NOTUM: variants seen among roughly 807,000 people sequenced by gnomAD.
The protein encoded by NOTUM is palmitoleoyl-protein carboxylesterase NOTUM.
Under a neutral mutation model 65.5 loss-of-function variants are expected in NOTUM, and 36 were observed. That is an observed-to-expected ratio of 0.55 (90% CI 0.42 to 0.73). The LOEUF is 0.73. NOTUM is among the 30% of genes least tolerant of loss of function. The pLI is 0.00. For missense variants in NOTUM, 659 were observed against 694.2 expected, an observed-to-expected ratio of 0.95 and a Z score of 0.57; for synonymous variants, 356 against 297.9, an observed-to-expected ratio of 1.20 and a Z score of -2.01.
chr17:81,958,263 T>C, intron 5 of NOTUM, 72 bp downstream of exon 5: 1 of 1,021,224 alleles, frequency 9.8e-7, no homozygotes, highest in Non-Finnish European at 1.5e-6. Context: ...TGCCCTGCCG[T>C]CCTGCCTCCT....
intron 6 of NOTUM, among the ~76,000 whole-genome samples, chr17:81,957,558 A>C (rs2041442805): frequency 6.6e-6 from 1 of 151,862 alleles, no homozygotes; most frequent in South Asian, 2.1e-4. Flanking sequence ...TATATCCAAC[A>C]ACCATGGCGT....
intron 4 of NOTUM, 75 bp from the exon 5 acceptor site, chr17:81,958,468 G>A: frequency 1.0e-6 from 1 of 972,850 alleles, no homozygotes; most frequent in South Asian, 1.3e-5. Context: ...CCCAGAACAG[G>A]ACCCTCAGAA....
Position 81,953,249 on chromosome 17 carries a change from C to G in NOTUM, c.1203G>C (p.Gln401His), listed in dbSNP as rs750483208. The G allele has an allele frequency of 1.2e-6, 2 of 1,609,372 alleles. No homozygotes were observed. The highest frequency in any genetic ancestry group is 2.2e-5 in the South Asian group (2 of 90,646). The change falls in exon 11 of 11, where the codon CAG becomes CAC. Residue 401 changes from glutamine to histidine, a missense_variant. Gln to His is a conservative substitution (Grantham distance 24). Coordinates refer to ENST00000409678, the MANE Select transcript of NOTUM (RefSeq NM_178493.6). ...IIIRSHWTDV[Q>H]VKGTSLPRAL... ...CTCGGGGCAGCGACGTCCCCTTCACCTGGACATCCGTCCAGTGGCTGCAGA... is the reference window on the plus strand; with the variant it reads ...CTCGGGGCAGCGACGTCCCCTTCACGTGGACATCCGTCCAGTGGCTGCAGA...
At chr17:81,959,274 G>C in intron 3 of NOTUM, 197 bp downstream of exon 3, 1 of 612,218 alleles carries the variant, frequency 1.6e-6, no homozygotes, top group Non-Finnish European at 2.9e-6. Context: ...GGCCAGAGCC[G>C]CTGGGTAAGC....
At chr17:81,957,771 A>G (rs35069988) in intron 6 of NOTUM, 35 bp downstream of exon 6, 728,966 of 1,451,758 alleles carry the variant, frequency 0.5, 188,422 homozygotes, top group Non-Finnish European at 0.54. Flanking sequence ...CACCGTCCTC[A>G]CCCCTCACCT....
chr17:81,959,717 G>C (rs749298354), intron 1 of NOTUM, 25 bp from the exon 2 acceptor site: 3 of 1,407,074 alleles, frequency 2.1e-6, no homozygotes, highest in South Asian at 2.9e-5. Context: ...GCACCGCGGG[G>C]GGTCGGCCAG....
intron 9 of NOTUM, among the ~76,000 whole-genome samples, chr17:81,954,775 C>T (rs1301519021): frequency 6.6e-6 from 1 of 150,678 alleles, no homozygotes; most frequent in Non-Finnish European, 1.5e-5. Flanking sequence ...TGCCACCATG[C>T]CTGGATAATT....
At chr17:81,954,199 T>C in intron 10 of NOTUM, 57 bp downstream of exon 10, 1 of 1,269,424 alleles carries the variant, frequency 7.9e-7, no homozygotes, top group African/African-American at 1.5e-5. Context: ...TTGGGGAGCA[T>C]GTGGACTTTT....
At chr17:81,954,930 GATCTCT>G (rs773504480) in intron 9 of NOTUM, among the ~76,000 whole-genome samples, 7 of 96,144 alleles carry the variant, frequency 7.3e-5, no homozygotes, top group African/African-American at 3.5e-4. Flanking sequence ...GACCGATCTC[GATCTCT>G]CTCTCTCTCT....
intron 4 of NOTUM, among the ~76,000 whole-genome samples, chr17:81,958,622 C>T (rs983384719): frequency 6.6e-6 from 1 of 151,524 alleles, no homozygotes; most frequent in Non-Finnish European, 1.5e-5. Flanking sequence ...CAGGACAGGA[C>T]CCCCCAGGAA....
In NOTUM at chr17:81,953,162, C is replaced by G; in HGVS notation, c.1290G>C (p.Lys430Asn). Residue 430 changes from lysine (K) to asparagine (N), a missense_variant, in exon 11 of 11, where the codon AAG becomes AAC. Physicochemically the swap from Lys to Asn is moderately conservative, Grantham distance 94. Transcript: ENST00000409678. The stretch of plus-strand genomic sequence containing the variant: ...TGTCCACCAGGTGGACGGGGCAGCC[C>G]TTGAGGGGGGTCTTGCTGGCCTTGT... ...DSHKASKTPLKGCPVHLVDSC... is the reference protein window; with the variant it reads ...DSHKASKTPLNGCPVHLVDSC... 1 of 1,613,242 alleles carries G rather than the reference C, an allele frequency of 6.2e-7. No individual in the cohort carries two copies.
chr17:81,957,322 C>T (rs991323511), intron 6 of NOTUM, among the ~76,000 whole-genome samples: 1 of 152,220 alleles, frequency 6.6e-6, no homozygotes, highest in Non-Finnish European at 1.5e-5. Flanking sequence ...CCTCCCCTTC[C>T]TCTCTCTGTC....
rs568763558 is a variant in NOTUM at position 81,960,503 on chromosome 17, A to T, written c.323+84T>A. On this transcript the variant is annotated intron_variant, in intron 1 of 10. Coordinates refer to ENST00000409678, the MANE Select transcript of NOTUM (RefSeq NM_178493.6). This position sits in a 1 kb window ranked among gnomAD's most constrained non-coding sequence, Gnocchi z 6.4. ...ACGGAAGCCCTTTCTCCCCGGGGAGAGAACGGCCGCGGCCCGCAGGGAAGG... is the reference window on the plus strand; with the variant it reads ...ACGGAAGCCCTTTCTCCCCGGGGAGTGAACGGCCGCGGCCCGCAGGGAAGG... The T allele has an allele frequency of 2.0e-5, 20 of 999,388 alleles. No homozygotes were observed. In the African/African-American group the frequency reaches 2.6e-4, roughly 13 times the overall value. 61.9% of individuals were successfully genotyped at this position (999,388 alleles called of 1,614,324 possible).
intron 6 of NOTUM, among the ~76,000 whole-genome samples, chr17:81,957,302 T>TCCC (rs1344825649): frequency 6.6e-6 from 1 of 152,174 alleles, no homozygotes; most frequent in African/African-American, 2.4e-5. Context: ...AGCCAGGCTC[T>TCCC]CCCCTTCCTC....
rs752697929 is a variant in NOTUM at position 81,960,944 on chromosome 17, AGGCGGC to A, written c.-41_-36del. On this transcript the variant is annotated 5_prime_UTR_variant, in exon 1 of 11. Coordinates refer to ENST00000409678, the MANE Select transcript of NOTUM (RefSeq NM_178493.6). This position sits in a 1 kb window ranked among gnomAD's most constrained non-coding sequence, Gnocchi z 6.4. The stretch of plus-strand genomic sequence containing the variant: ...CACCTGCGGGGAGCGGGCGGCCTTG[AGGCGGC>A]GGCGGCGGCGGCGGGGGATGCCGGG... The A allele has an allele frequency of 4.9e-4, 572 of 1,171,560 alleles. No individual in the cohort carries two copies. Among genetic ancestry groups the A allele is most frequent in the Middle Eastern group, 3.4e-4 (1 of 2,924 alleles). The allele number at this position is 1,171,560 out of a possible 1,614,324, so 72.6% of individuals were successfully genotyped here. A position where few individuals can be genotyped will look rare whatever the true frequency, so the allele number is the denominator to read the frequency against.
At chr17:81,957,135 T>C (rs2143944532) in intron 6 of NOTUM, 61 bp from the exon 7 acceptor site, 1 of 1,443,986 alleles carries the variant, frequency 6.9e-7, no homozygotes, top group Admixed American at 1.8e-5. Flanking sequence ...CTCCCCCGAG[T>C]CTGCTCAGCG....
Position 81,960,729 on chromosome 17 carries a change from C to T in NOTUM, c.181G>A (p.Gly61Ser). 4 of 1,601,932 alleles carry T rather than the reference C, an allele frequency of 2.5e-6. No homozygotes were observed. Among genetic ancestry groups the T allele is most frequent in the South Asian group, 1.1e-5 (1 of 89,176 alleles). ...TGCGCCATGAAGCTGTCCATGTTAC[C>T]CTCCACGGCCGTGAAGTCCAGCGGG... ...SFPLDFTAVE[G>S]NMDSFMAQVK... The change falls in exon 1 of 11, where the codon GGT (glycine) becomes AGT (serine). Residue 61 changes from glycine to serine, a missense_variant. Gly to Ser is a moderately conservative substitution (Grantham distance 56, BLOSUM62 0). Transcript: ENST00000409678. This position sits in a 1 kb window ranked among gnomAD's most constrained non-coding sequence, Gnocchi z 6.4.
chr17:81,955,459 C>T lies in NOTUM; in HGVS notation c.1074G>A (p.Glu358=). The change falls in exon 9 of 11, where the codon GAG becomes GAA. Residue 358 remains glutamate (E), a synonymous_variant. Transcript: ENST00000409678. The stretch of plus-strand genomic sequence containing the variant: ...GGTTCTGGATGTACAGCCGCAGGCC[C>T]TCCTGCACCGGCTGCCCCGTCAGGT... ...NVHLTGQPVQ[E]GLRLYIQNLG... 1 of 1,607,882 alleles carries T rather than the reference C, an allele frequency of 6.2e-7. No individual in the cohort carries two copies. Among genetic ancestry groups the T allele is most frequent in the Non-Finnish European group, 8.5e-7 (1 of 1,177,984 alleles).
chr17:81,959,159 G>A, intron 3 of NOTUM, 164 bp from the exon 4 acceptor site: 2 of 656,900 alleles, frequency 3.0e-6, no homozygotes, highest in African/African-American at 3.6e-5. Context: ...AGGACAGTTG[G>A]GTTTAGTTAC....
Sources: gnomAD v4.1 joint callset for allele counts (sites outside exome capture counted in the v4.1 genomes callset) on GRCh38, gnomAD v4.1.1 for gene constraint, Gnocchi (gnomAD v3.1) non-coding constraint, MANE v1.5 for transcripts, NCBI Gene and HGNC (gene_info 2026-07-23, HGNC 2026-07-21) for gene names.